The following SYNE1 variants were observed in gnomAD, a reference collection of about 807,000 sequenced individuals.
SYNE1 encodes the protein nesprin-1.
In SYNE1, 616 loss-of-function variants were observed where a neutral mutation model predicts 1,111.0. The observed-to-expected ratio is 0.55, with a 90% confidence interval of 0.52 to 0.59. SYNE1 has a LOEUF of 0.59. Ranked by LOEUF, SYNE1 falls within the 20% of genes least tolerant of loss-of-function variation. The pLI is 0.00. For missense variants in SYNE1, 10,006 were observed against 10,417.0 expected (o/e 0.96, Z 1.72); for synonymous variants, 3,855 against 3,825.8 (o/e 1.01, Z -0.28).
chr6:152,461,385 T>A (rs1164587258), intron 21 of SYNE1, among the ~76,000 whole-genome samples: 1 of 152,202 alleles, frequency 6.6e-6, no homozygotes, highest in Admixed American at 6.5e-5. Context: ...ATAGCTATAA[T>A]ACTTCTAAAT....
At chr6:152,453,532 C>G (rs757851704) in intron 25 of SYNE1, 54 bp downstream of exon 25, 1 of 1,613,830 alleles carries the variant, frequency 6.2e-7, no homozygotes, top group South Asian at 1.1e-5. Flanking sequence ...TTAACACGCT[C>G]AAGCTTCTCC....
rs368607560 is a variant in SYNE1 at position 152,367,376 on chromosome 6, C to G, written c.9814G>C (p.Val3272Leu). ...GCAACGATTCTATCCAGTCTTGACA[C>G]TTTCTCCTGGAAATGACAGAAATGG... is the stretch of plus-strand genomic sequence containing the variant. The part of the protein sequence containing the change: ...LALSNLTKEK[V>L]SRLDRIVAEH... Residue 3272 changes from valine to leucine, a missense_variant, in exon 62 of 146, where the codon GTG (valine) becomes CTG (leucine). By Grantham distance (32) the Val-to-Leu change is conservative. Coordinates refer to ENST00000367255, the MANE Select transcript of SYNE1 (RefSeq NM_182961.4). 113 of 1,613,956 alleles carry G rather than the reference C, an allele frequency of 7.0e-5. No homozygotes were observed. The highest frequency in any genetic ancestry group is 9.2e-5 in the Non-Finnish European group (108 of 1,180,032).
chr6:152,302,366 T>C, intron 91 of SYNE1: 1 of 482,996 alleles, frequency 2.1e-6, no homozygotes, highest in Non-Finnish European at 3.8e-6. Flanking sequence ...TATGGAATCA[T>C]GAACTTCCGC....
chr6:152,160,486 G>A (rs1197334845), intron 131 of SYNE1, among the ~76,000 whole-genome samples: 2 of 152,068 alleles, frequency 1.3e-5, no homozygotes, highest in Admixed American at 6.5e-5. Context: ...CCTTCACTCT[G>A]GGAATTCCCT....
intron 10 of SYNE1, among the ~76,000 whole-genome samples, chr6:152,500,950 C>CAA (rs57436246): frequency 2.1e-3 from 166 of 79,982 alleles, no homozygotes; most frequent in African/African-American, 6.5e-3. Context: ...GACTCCATCT[C>CAA]AAAAAAAAAA....
chr6:152,180,001 A>T, intron 129 of SYNE1, 135 bp downstream of exon 129: 1 of 1,020,864 alleles, frequency 9.8e-7, no homozygotes, highest in Non-Finnish European at 1.4e-6. Flanking sequence ...ATTTTATATT[A>T]AAAAGATAAA....
chr6:152,272,783 C>T (rs2093306591), intron 98 of SYNE1, among the ~76,000 whole-genome samples: 1 of 152,220 alleles, frequency 6.6e-6, no homozygotes, highest in Non-Finnish European at 1.5e-5. Context: ...TTCCAACCCT[C>T]CTGAATCATC....
At chr6:152,158,010 G>A (rs991788768) in intron 131 of SYNE1, among the ~76,000 whole-genome samples, 1 of 152,092 alleles carries the variant, frequency 6.6e-6, no homozygotes, top group Non-Finnish European at 1.5e-5. Flanking sequence ...GCCCACCTCG[G>A]CCTCCCAAAG....
At chr6:152,322,001 A>G in intron 82 of SYNE1, 115 bp from the exon 83 acceptor site, 4 of 1,093,024 alleles carry the variant, frequency 3.7e-6, no homozygotes, top group Non-Finnish European at 5.5e-6. Flanking sequence ...CTTTTTTGAA[A>G]GAAAAGACAC....
chr6:152,156,160 G>A, intron 131 of SYNE1, 63 bp from the exon 132 acceptor site: 1 of 1,570,930 alleles, frequency 6.4e-7, no homozygotes, highest in Non-Finnish European at 8.8e-7. Context: ...AGAAACTGAA[G>A]CAACCTATGT....
intron 3 of SYNE1, among the ~76,000 whole-genome samples, chr6:152,561,499 C>T (rs1338670894): frequency 6.6e-6 from 1 of 151,938 alleles, no homozygotes; most frequent in Admixed American, 6.6e-5. Flanking sequence ...GTTCATATTA[C>T]CTTAAATGAT....
At chr6:152,630,129 TAAA>T (rs543594194) in intron 2 of SYNE1, among the ~76,000 whole-genome samples, 1 of 138,720 alleles carries the variant, frequency 7.2e-6, no homozygotes. Context: ...GCCTATTATC[TAAA>T]AAAAAAAAAA....
At chr6:152,582,822 C>T (rs1013731056) in intron 3 of SYNE1, among the ~76,000 whole-genome samples, 4 of 151,890 alleles carry the variant, frequency 2.6e-5, no homozygotes, top group African/African-American at 4.8e-5. Context: ...GTATACTGGC[C>T]ACTTACATAT....
rs186531461 is a variant in SYNE1 at position 152,591,503 on chromosome 6, A to G, written c.67+36762T>C. 9.2e-5 allele frequency among the ~76,000 whole-genome samples: 14 copies of G among 152,336 alleles called. No homozygotes were observed. In the East Asian group the frequency reaches 2.7e-3, roughly 29 times the overall value. ...CCCCTACCTTTCACCATATACAAAAATTAACTCAAAATATATTAAAGATTT... is the reference window on the plus strand; with the variant it reads ...CCCCTACCTTTCACCATATACAAAAGTTAACTCAAAATATATTAAAGATTT... On this transcript the variant is annotated intron_variant, in intron 3 of 145. Coordinates refer to ENST00000367255, the MANE Select transcript of SYNE1 (RefSeq NM_182961.4).
chr6:152,449,590 C>A lies in SYNE1; in HGVS notation c.3447G>T (p.Gly1149=), dbSNP rs1418498336. The change falls in exon 28 of 146, where the codon GGG becomes GGT. Residue 1149 remains glycine (G), a synonymous_variant. Transcript: ENST00000367255. ...CAGTATCGATGGCCTCACCCTTGAT[C>A]CCCTTTAATTGTGTCTCATTTGTAG... ...WISTNETQLK[G]IKGEAIDTAN... is the part of the protein sequence containing the mutation. 1 of 1,614,104 alleles carries A rather than the reference C, an allele frequency of 6.2e-7. No homozygotes were observed. The highest frequency in any genetic ancestry group is 1.3e-5 in the African/African-American group (1 of 75,038).
At chr6:152,497,089 T>C (rs2099003724) in intron 11 of SYNE1, among the ~76,000 whole-genome samples, 1 of 152,212 alleles carries the variant, frequency 6.6e-6, no homozygotes. Context: ...AAACTCAGTC[T>C]GCCTGCACTT....
rs1462193161 is a variant in SYNE1 at position 152,164,152 on chromosome 6, T to C, written c.23790+11A>G. The C allele has an allele frequency of 1.2e-6, 2 of 1,614,134 alleles. No homozygotes were observed. The highest frequency in any genetic ancestry group is 1.7e-6 in the Non-Finnish European group (2 of 1,179,986). On this transcript the variant is annotated intron_variant, in intron 131 of 145. Transcript: ENST00000367255. ...ATGGCTTATTAATTCCATTTCCATT[T>C]TAAGTCTTACCTGCTGCTCATTAAG... is the stretch of plus-strand genomic sequence containing the variant.
intron 28 of SYNE1, 107 bp from the exon 29 acceptor site, chr6:152,447,729 G>T: frequency 7.6e-7 from 1 of 1,323,978 alleles, no homozygotes. Context: ...GCAGAATAGA[G>T]CCAGACATCA....
intron 3 of SYNE1, among the ~76,000 whole-genome samples, chr6:152,601,552 A>G (rs2099596130): frequency 6.6e-6 from 1 of 152,176 alleles, no homozygotes. Flanking sequence ...AACTTTTCCA[A>G]TATACAAAGA....
Sources: allele counts gnomAD v4.1 joint callset (sites outside exome capture counted in the v4.1 genomes callset), GRCh38; gene constraint gnomAD v4.1.1; transcripts MANE v1.5; gene names NCBI Gene and HGNC (gene_info 2026-07-23, HGNC 2026-07-21).